The following CDH12 variants were observed in gnomAD, a reference collection of about 807,000 sequenced individuals.
CDH12 encodes cadherin 12.
A neutral mutation model predicts 74.1 loss-of-function variants in CDH12; 41 were observed. The observed-to-expected ratio is 0.55, with a 90% CI of 0.43 to 0.72. CDH12 has a LOEUF of 0.72. Among genes scored for constraint, CDH12 ranks in the 30% least tolerant of loss-of-function variants. The probability of loss-of-function intolerance (pLI) is 0.00; values close to 1 mark genes in which losing one functional copy is unlikely to be tolerated. For missense variants in CDH12, 945 were observed against 977.2 expected, an observed-to-expected ratio of 0.97 and a Z score of 0.44; for synonymous variants, 399 against 355.0, an observed-to-expected ratio of 1.12 and a Z score of -1.39.
intron 3 of CDH12, among the ~76,000 whole-genome samples, chr5:22,268,073 A>G (rs1580463651): frequency 6.6e-6 from 1 of 152,152 alleles, no homozygotes; most frequent in Non-Finnish European, 1.5e-5. Context: ...ATTAAAATAT[A>G]CATGGCAGGC....
chr5:22,743,549 G>A lies in CDH12; in HGVS notation c.-523+109509C>T, dbSNP rs185694619. Among the ~76,000 whole-genome samples the A allele has an allele frequency of 3.9e-4, 59 of 152,024 alleles. 1 individual carries two copies. The highest frequency in any genetic ancestry group is 1.0e-4 in the Non-Finnish European group (7 of 67,966). On this transcript the variant is annotated intron_variant, in intron 1 of 14. Transcript: ENST00000382254. ...AGATTTTTAGCATTCTCATTTGTAA[G>A]ACTGTCTGTACAGGTGAATATTTTT...
chr5:22,751,546 C>T (rs1013071376), intron 1 of CDH12, among the ~76,000 whole-genome samples: 3 of 151,780 alleles, frequency 2.0e-5, no homozygotes, highest in South Asian at 2.1e-4. Flanking sequence ...TAGCTGTTAG[C>T]GTCTGGAGTA....
In CDH12 at chr5:22,784,953, C is replaced by G. The variant is rs189358060; in HGVS notation, c.-523+68105G>C. On this transcript the variant is annotated intron_variant, in intron 1 of 14. Transcript: ENST00000382254. ...AGTAATATAGTCACTTGAAATACAT[C>G]TATTAAGCTTGAGAATCATTGTCTA... 1.5e-4 allele frequency among the ~76,000 whole-genome samples: 23 copies of G among 152,218 alleles called. No homozygotes were observed. In the East Asian group the frequency reaches 4.3e-3, roughly 28 times the overall value.
At chr5:21,898,866 G>T (rs1233044661) in intron 6 of CDH12, among the ~76,000 whole-genome samples, 1 of 95,830 alleles carries the variant, frequency 1.0e-5, no homozygotes, top group Non-Finnish European at 2.1e-5. Context: ...TGTATCGCTT[G>T]AATTTTATCA....
intron 1 of CDH12, among the ~76,000 whole-genome samples, chr5:22,537,384 AG>A (rs1468827093): frequency 6.6e-6 from 1 of 152,238 alleles, no homozygotes; most frequent in Non-Finnish European, 1.5e-5. Flanking sequence ...TTAATACAGT[AG>A]TATTGACAGA....
At chr5:21,994,013 TC>T (rs1736123104) in intron 5 of CDH12, among the ~76,000 whole-genome samples, 2 of 151,596 alleles carry the variant, frequency 1.3e-5, no homozygotes, top group African/African-American at 4.9e-5. Flanking sequence ...CAGTATCCTC[TC>T]TCCACTATTT....
chr5:22,053,513 C>T (rs964052181), intron 5 of CDH12, among the ~76,000 whole-genome samples: 7 of 152,022 alleles, frequency 4.6e-5, no homozygotes, highest in African/African-American at 1.4e-4. Flanking sequence ...CTGTGTATCA[C>T]GGTGGCTGCC....
At chr5:22,349,127 C>T (rs1740248060) in intron 3 of CDH12, among the ~76,000 whole-genome samples, 1 of 152,158 alleles carries the variant, frequency 6.6e-6, no homozygotes, top group Non-Finnish European at 1.5e-5. Context: ...GAGAAGGCAT[C>T]ACCTATAAGA....
intron 12 of CDH12, among the ~76,000 whole-genome samples, chr5:21,764,197 AC>A (rs1156330959): frequency 2.0e-5 from 3 of 151,738 alleles, no homozygotes; most frequent in Non-Finnish European, 4.4e-5. Context: ...ACATGGTGAA[AC>A]CCCGTCTCTA....
chr5:22,409,575 A>G (rs1345338507), intron 2 of CDH12, among the ~76,000 whole-genome samples: 1 of 152,094 alleles, frequency 6.6e-6, no homozygotes, highest in Non-Finnish European at 1.5e-5. Context: ...CTTTCTTGTG[A>G]CAAAAATCCA....
At chr5:22,070,909 T>C (rs1400882229) in intron 5 of CDH12, among the ~76,000 whole-genome samples, 3 of 152,224 alleles carry the variant, frequency 2.0e-5, no homozygotes, top group African/African-American at 7.2e-5. Context: ...TTCTCATTTA[T>C]AATAGGGAGC....
At chr5:22,753,330 G>C (rs975238103) in intron 1 of CDH12, among the ~76,000 whole-genome samples, 1 of 151,192 alleles carries the variant, frequency 6.6e-6, no homozygotes, top group Non-Finnish European at 1.5e-5. Context: ...CCAGCTACTC[G>C]GGAGGCTGAG....
intron 1 of CDH12, among the ~76,000 whole-genome samples, chr5:22,659,471 C>A (rs1407700676): frequency 6.6e-6 from 1 of 152,116 alleles, no homozygotes; most frequent in Admixed American, 6.5e-5. Flanking sequence ...GATTTGGTAT[C>A]TATTTGCATA....
At chr5:21,786,301 A>C (rs1231695315) in intron 10 of CDH12, among the ~76,000 whole-genome samples, 1 of 152,074 alleles carries the variant, frequency 6.6e-6, no homozygotes, top group Non-Finnish European at 1.5e-5. Flanking sequence ...TTACAGGTGC[A>C]TGCCACTACG....
In CDH12 at chr5:22,196,237, C is replaced by T. The variant is rs538233520; in HGVS notation, c.-187+16261G>A. The stretch of plus-strand genomic sequence containing the variant: ...TCGGCTCACTGCAACTTCCGAATCC[C>T]GGGTTTAGGCGATTCTCTTGCCTCA... On this transcript the variant is annotated intron_variant, in intron 4 of 14. Coordinates refer to ENST00000382254, the MANE Select transcript of CDH12 (RefSeq NM_004061.5). Among the ~76,000 whole-genome samples, 7 of 151,284 alleles carry T rather than the reference C, an allele frequency of 4.6e-5. No individual in the cohort carries two copies. In the South Asian group the frequency reaches 1.0e-3, roughly 23 times the overall value.
At chr5:22,081,586 C>A (rs1053614660) in intron 4 of CDH12, among the ~76,000 whole-genome samples, 1 of 152,068 alleles carries the variant, frequency 6.6e-6, no homozygotes, top group Non-Finnish European at 1.5e-5. Flanking sequence ...TCTATTAAAC[C>A]TTTTCTTTCA....
intron 3 of CDH12, among the ~76,000 whole-genome samples, chr5:22,274,812 A>T (rs1736553566): frequency 6.6e-6 from 1 of 152,102 alleles, no homozygotes; most frequent in African/African-American, 2.4e-5. Flanking sequence ...ATAAAATTAG[A>T]AGTAATATTT....
chr5:21,979,755 C>T (rs1757224996), intron 5 of CDH12, among the ~76,000 whole-genome samples: 1 of 151,602 alleles, frequency 6.6e-6, no homozygotes, highest in East Asian at 1.9e-4. Context: ...CCAAAAGTTG[C>T]GTTCAACAAA....
chr5:22,721,664 G>A (rs891392470), intron 1 of CDH12, among the ~76,000 whole-genome samples: 2 of 152,102 alleles, frequency 1.3e-5, no homozygotes, highest in African/African-American at 4.8e-5. Context: ...GAATGATATG[G>A]TTTGTCTCTG....
Sources: allele counts gnomAD v4.1 joint callset (sites outside exome capture counted in the v4.1 genomes callset), GRCh38; gene constraint gnomAD v4.1.1; transcripts MANE v1.5; gene names NCBI Gene and HGNC (gene_info 2026-07-23, HGNC 2026-07-21).